NSG2: variants seen among roughly 807,000 people sequenced by gnomAD.
NSG2 encodes the protein neuronal vesicle trafficking associated 2.
A neutral mutation model predicts 16.9 loss-of-function variants in NSG2; 4 were observed. The observed-to-expected ratio is 0.24, with a 90% CI of 0.12 to 0.54. The LOEUF (loss-of-function observed/expected upper bound fraction) is 0.54. Among genes scored for constraint, NSG2 ranks in the 20% least tolerant of loss-of-function variants. The pLI is 0.95. For missense variants in NSG2, 179 were observed against 221.1 expected (o/e 0.81, Z 1.21); for synonymous variants, 98 against 88.7 (o/e 1.11, Z -0.59).
chr5:174,091,179 G>A (rs1760716274), intron 3 of NSG2: 1 of 152,182 alleles, frequency 6.6e-6, no homozygotes, highest in Non-Finnish European at 1.5e-5. Flanking sequence ...TGTCTAGACA[G>A]ACGGTTGGCG....
chr5:174,069,080 G>A (rs1193353200), intron 3 of NSG2, among the ~76,000 whole-genome samples: 1 of 150,970 alleles, frequency 6.6e-6, no homozygotes, highest in Non-Finnish European at 1.5e-5. Flanking sequence ...TGCTATGGAG[G>A]TGATCCTGGT....
At chr5:174,083,357 G>T (rs1219040854) in intron 3 of NSG2, among the ~76,000 whole-genome samples, 1 of 152,204 alleles carries the variant, frequency 6.6e-6, no homozygotes, top group Non-Finnish European at 1.5e-5. Flanking sequence ...GTTCTCTGGG[G>T]ATCCCTGGGG....
chr5:174,073,999 G>A (rs1376228344), intron 3 of NSG2, among the ~76,000 whole-genome samples: 1 of 152,192 alleles, frequency 6.6e-6, no homozygotes, highest in East Asian at 1.9e-4. Context: ...CAAGCCAGTT[G>A]TGAAACTGTT....
At chr5:174,085,671 C>T (rs1469318665) in intron 3 of NSG2, among the ~76,000 whole-genome samples, 1 of 152,164 alleles carries the variant, frequency 6.6e-6, no homozygotes, top group African/African-American at 2.4e-5. Flanking sequence ...TCACTTTGTA[C>T]AAAATGACCC....
chr5:174,105,583 A>G (rs889177564), intron 4 of NSG2, among the ~76,000 whole-genome samples: 14 of 152,170 alleles, frequency 9.2e-5, no homozygotes, highest in Admixed American at 3.9e-4. Flanking sequence ...CCGCAACTCC[A>G]TGTGTCCTTA....
At chr5:174,065,957 G>A (rs1044637846) in intron 3 of NSG2, among the ~76,000 whole-genome samples, 3 of 152,238 alleles carry the variant, frequency 2.0e-5, no homozygotes, top group Non-Finnish European at 2.9e-5. Flanking sequence ...GTGACTGGGA[G>A]CTTTGAAAGT....
chr5:174,107,213 A>G lies in NSG2; in HGVS notation c.325-101A>G. The G allele has an allele frequency of 9.1e-7, 1 of 1,100,802 alleles. No homozygotes were observed. Among genetic ancestry groups the G allele is most frequent in the Non-Finnish European group, 1.3e-6 (1 of 782,852 alleles). 68.2% of individuals were successfully genotyped at this position (1,100,802 alleles called of 1,614,324 possible). A position where few individuals can be genotyped will look rare whatever the true frequency, so the allele number is the denominator to read the frequency against. ...GGAGCTGTCACCTGCCCTCTGGCTG[A>G]CAGCCCGATGCAGCTGCACTCCAGT... On this transcript the variant is annotated intron_variant, in intron 4 of 4. Transcript: ENST00000303177. The surrounding 1 kb of genome is among the most constrained non-coding windows in gnomAD (Gnocchi z 4.5).
intron 2 of NSG2, chr5:174,062,747 T>C (rs935117056): frequency 6.6e-6 from 1 of 152,210 alleles, no homozygotes; most frequent in Non-Finnish European, 1.5e-5. Flanking sequence ...CTGGTAGATG[T>C]TCCGTGTATG....
rs1761012836 is a variant in NSG2, at chr5:174,107,983, G to A, written c.*478G>A. ...TGCAGAGTATGAGTGACACAGACCG[G>A]GACTATTCCATTAGCCTGTGGTCTG... On this transcript the variant is annotated 3_prime_UTR_variant, in exon 5 of 5. Coordinates refer to ENST00000303177, the MANE Select transcript of NSG2 (RefSeq NM_015980.5). The surrounding 1 kb of genome is among the most constrained non-coding windows in gnomAD (Gnocchi z 4.5). The A allele has an allele frequency of 2.8e-6, 1 of 352,614 alleles. No individual in the cohort carries two copies. The highest frequency in any genetic ancestry group is 5.5e-6 in the Non-Finnish European group (1 of 180,610). 21.8% of individuals were successfully genotyped at this position (352,614 alleles called of 1,614,324 possible). A position where few individuals can be genotyped will look rare whatever the true frequency, so the allele number is the denominator to read the frequency against.
intron 3 of NSG2, among the ~76,000 whole-genome samples, chr5:174,092,450 A>G (rs893608855): frequency 5.3e-5 from 8 of 152,188 alleles, no homozygotes; most frequent in South Asian, 2.1e-4. Flanking sequence ...GGGAAGGTCA[A>G]ACACAGAGGG....
At chr5:174,066,977 G>A (rs1266790109) in intron 3 of NSG2, among the ~76,000 whole-genome samples, 1 of 107,926 alleles carries the variant, frequency 9.3e-6, no homozygotes, top group East Asian at 2.7e-4. Context: ...GCGACAGAGC[G>A]AGACTCTGTC....
At chr5:174,045,873 A>G (rs1369837784) in intron 1 of NSG2, 30 bp downstream of exon 1, 1 of 151,450 alleles carries the variant, frequency 6.6e-6, no homozygotes, top group East Asian at 1.9e-4. Context: ...TGCTATAACC[A>G]CTCCCCAATA....
Position 174,046,848 on chromosome 5 carries a change from G to A in NSG2, c.93G>A (p.Leu31=), listed in dbSNP as rs1275587629. The A allele has an allele frequency of 6.2e-7, 1 of 1,613,992 alleles. No homozygotes were observed. Among genetic ancestry groups the A allele is most frequent in the East Asian group, 2.2e-5 (1 of 44,888 alleles). The change falls in exon 2 of 5, where the codon TTG becomes TTA. Residue 31 remains leucine, a synonymous_variant. Coordinates refer to ENST00000303177, the MANE Select transcript of NSG2 (RefSeq NM_015980.5). ...AGACCGTCCCTCTCATCACTCCCTT[G>A]GAGGTTAATCACTTACAGCTGCCTG... ...GFQTVPLITP[L]EVNHLQLPAP...
rs1474139544 is a variant in NSG2, at chr5:174,045,756, G to A, written c.-110G>A. 6.6e-6 allele frequency: 1 copy of A among 152,422 alleles called. No homozygotes were observed. Among genetic ancestry groups the A allele is most frequent in the Non-Finnish European group, 1.5e-5 (1 of 68,088 alleles). The allele number at this position is 152,422 out of a possible 1,614,324, so 9.4% of individuals were successfully genotyped here. On this transcript the variant is annotated 5_prime_UTR_variant, in exon 1 of 5. Coordinates refer to ENST00000303177, the MANE Select transcript of NSG2 (RefSeq NM_015980.5). ...AGGCGCTGTCCTTTCAGCACCACAA[G>A]CTCGGGCTGAGGAGGGAGGACTCCT...
intron 3 of NSG2, among the ~76,000 whole-genome samples, chr5:174,090,686 G>A (rs781597240): frequency 1.1e-4 from 16 of 152,348 alleles, no homozygotes; most frequent in Non-Finnish European, 2.2e-4. Flanking sequence ...AGGTGTGTCT[G>A]TGTGTATTTG....
intron 3 of NSG2, among the ~76,000 whole-genome samples, chr5:174,077,504 G>T (rs919434070): frequency 4.6e-5 from 7 of 152,100 alleles, no homozygotes; most frequent in African/African-American, 1.7e-4. Context: ...CGACACACTG[G>T]ACCCGATTTC....
intron 2 of NSG2, among the ~76,000 whole-genome samples, chr5:174,057,450 A>G (rs2113425812): frequency 6.6e-6 from 1 of 152,020 alleles, no homozygotes; most frequent in South Asian, 2.1e-4. Flanking sequence ...TCGTTTATGG[A>G]AGGGAAATGT....
intron 3 of NSG2, among the ~76,000 whole-genome samples, chr5:174,086,905 T>C (rs1397395951): frequency 6.6e-6 from 1 of 152,222 alleles, no homozygotes; most frequent in Non-Finnish European, 1.5e-5. Flanking sequence ...GGGAAATGAA[T>C]TACTGCTTTG....
intron 2 of NSG2, among the ~76,000 whole-genome samples, chr5:174,063,803 G>T (rs1429523811): frequency 6.6e-6 from 1 of 152,050 alleles, no homozygotes; most frequent in Non-Finnish European, 1.5e-5. Flanking sequence ...AATTAGATCA[G>T]TTGCAGTACA....
Sources: allele counts gnomAD v4.1 joint callset (sites outside exome capture counted in the v4.1 genomes callset), GRCh38; gene constraint gnomAD v4.1.1; non-coding constraint Gnocchi (gnomAD v3.1); transcripts MANE v1.5; gene names NCBI Gene and HGNC (gene_info 2026-07-23, HGNC 2026-07-21).